Variants in ADAM23 observed in about 807,000 individuals in gnomAD.
The protein encoded by ADAM23 is ADAM metallopeptidase domain 23, also known as disintegrin and metalloproteinase domain-containing protein 23.
ADAM23 carries 33 observed loss-of-function variants against 120.1 expected under a neutral mutation model. The ratio of observed to expected loss-of-function variants is 0.27; its 90% confidence interval spans 0.21 to 0.37. The LOEUF (loss-of-function observed/expected upper bound fraction) is 0.37, where lower values mean the gene tolerates loss of function less well. ADAM23 is among the 10% of genes least tolerant of loss of function. The pLI is 1.00. For synonymous variants in ADAM23, 367 were observed against 375.2 expected, an observed-to-expected ratio of 0.98 and a Z score of 0.25; for missense variants, 862 against 1,058.2, an observed-to-expected ratio of 0.81 and a Z score of 2.57.
At position 206,445,446 on chromosome 2, in the gene ADAM23, A is replaced by G. The variant is rs146724325; in HGVS notation, c.354A>G (p.Ile118Met). 4,232 of 1,614,192 alleles carry G rather than the reference A, an allele frequency of 2.6e-3. 10 individuals are homozygous for G. Among genetic ancestry groups the G allele is most frequent in the Non-Finnish European group, 3.1e-3 (3,680 of 1,180,016 alleles). ...AAATCACACTGCCTTCAAGACTCAT[A>G]TATTACATCAACCAAGACTCGGAAA... The part of the protein sequence containing the change: ...QKEITLPSRL[I>M]YYINQDSESP... The change falls in exon 2 of 26, where the codon ATA becomes ATG. Residue 118 changes from isoleucine to methionine, a missense_variant. Physicochemically the swap from Ile to Met is conservative, Grantham distance 10 (BLOSUM62 1). Coordinates refer to ENST00000264377, the MANE Select transcript of ADAM23 (RefSeq NM_003812.4).
Position 206,516,324 on chromosome 2 carries a change from G to A in ADAM23, c.510-14561G>A, listed in dbSNP as rs572885686. On this transcript the variant is annotated intron_variant, in intron 3 of 25. Transcript: ENST00000264377. Reference sequence around the variant, plus strand: ...AAAAAAATAAAGATAATGTAAATGCGTTTTTTTTCTAACATTCCACAAAAG... The same window carrying A: ...AAAAAAATAAAGATAATGTAAATGCATTTTTTTTCTAACATTCCACAAAAG... 1.8e-3 allele frequency among the ~76,000 whole-genome samples: 272 copies of A among 151,614 alleles called. 1 individual carries two copies. Among genetic ancestry groups the A allele is most frequent in the African/African-American group, 6.2e-3 (255 of 41,374 alleles).
At chr2:206,540,784 A>G (rs893098952) in intron 4 of ADAM23, among the ~76,000 whole-genome samples, 3 of 152,018 alleles carry the variant, frequency 2.0e-5, no homozygotes, top group Non-Finnish European at 4.4e-5. Flanking sequence ...TAAGTCCCCA[A>G]TTCACTGCCT....
At chr2:206,480,946 G>A (rs75293874) in intron 2 of ADAM23, among the ~76,000 whole-genome samples, 1 of 152,204 alleles carries the variant, frequency 6.6e-6, no homozygotes, top group East Asian at 1.9e-4. Flanking sequence ...AATTCGTCAC[G>A]GTCACTTTGT....
At chr2:206,483,589 A>T (rs1574490952) in intron 3 of ADAM23, among the ~76,000 whole-genome samples, 1 of 152,120 alleles carries the variant, frequency 6.6e-6, no homozygotes, top group Non-Finnish European at 1.5e-5. Context: ...GAAATTGAGA[A>T]GGAGTGATTG....
chr2:206,571,839 C>A (rs778782739), intron 17 of ADAM23, 23 bp downstream of exon 17: 83 of 1,599,890 alleles, frequency 5.2e-5, no homozygotes, highest in Non-Finnish European at 6.9e-5. Flanking sequence ...ACAGTTTCAT[C>A]TTTCTTTTAA....
intron 2 of ADAM23, among the ~76,000 whole-genome samples, chr2:206,458,420 A>G (rs1483296791): frequency 2.0e-5 from 3 of 152,236 alleles, no homozygotes; most frequent in Non-Finnish European, 4.4e-5. Context: ...TTCTGGTTGT[A>G]TGGCTGCAGA....
At chr2:206,479,962 T>C (rs548287185) in intron 2 of ADAM23, among the ~76,000 whole-genome samples, 1 of 152,290 alleles carries the variant, frequency 6.6e-6, no homozygotes, top group Admixed American at 6.5e-5. Context: ...GGGTTTGGTA[T>C]GGCAAAAAGA....
At position 206,617,639 on chromosome 2, in the gene ADAM23, T is replaced by C. The variant is rs771840731; in HGVS notation, c.*12T>C. Reference sequence around the variant, plus strand: ...AAGGCCCCATCTGAATCAGCTGCGCTGGATGGACACCGCCTTGCACTGTTG... The same window carrying C: ...AAGGCCCCATCTGAATCAGCTGCGCCGGATGGACACCGCCTTGCACTGTTG... On this transcript the variant is annotated 3_prime_UTR_variant, in exon 26 of 26. Transcript: ENST00000264377. 1.9e-6 allele frequency: 3 copies of C among 1,613,612 alleles called. No homozygotes were observed. Among genetic ancestry groups the C allele is most frequent in the South Asian group, 2.2e-5 (2 of 90,894 alleles).
In ADAM23 at chr2:206,609,945, G is replaced by A. The variant is rs751280747; in HGVS notation, c.2395G>A (p.Ala799Thr). 7 of 1,599,796 alleles carry A rather than the reference G, an allele frequency of 4.4e-6. No homozygotes were observed. Among genetic ancestry groups the A allele is most frequent in the South Asian group, 2.3e-5 (2 of 88,528 alleles). Residue 799 changes from alanine to threonine, a missense_variant, in exon 25 of 26, where the codon GCT (alanine) becomes ACT (threonine). Transcript: ENST00000264377. ...CACCAATCTCATAATAGGCTCCATCGCTGGTGCCATCCTGGTAGCAGCTAT... is the reference window on the plus strand; with the variant it reads ...CACCAATCTCATAATAGGCTCCATCACTGGTGCCATCCTGGTAGCAGCTAT... ...SATNLIIGSI[A>T]GAILVAAIVL...
rs1695617155 is a variant in ADAM23 at position 206,469,802 on chromosome 2, G to A, written c.433-11430G>A. ...TTGCTATTCTTTGAATACACCAAGTGTGCCCCTGCCTCGGGGCTTCTACAA... is the reference window on the plus strand; with the variant it reads ...TTGCTATTCTTTGAATACACCAAGTATGCCCCTGCCTCGGGGCTTCTACAA... On this transcript the variant is annotated intron_variant, in intron 2 of 25. Coordinates refer to ENST00000264377, the MANE Select transcript of ADAM23 (RefSeq NM_003812.4). 1.3e-5 allele frequency among the ~76,000 whole-genome samples: 2 copies of A among 152,270 alleles called. 1 individual carries two copies. Among genetic ancestry groups the A allele is most frequent in the South Asian group, 4.1e-4 (2 of 4,830 alleles).
At chr2:206,564,224 C>A in intron 13 of ADAM23, among the ~76,000 whole-genome samples, 1 of 151,116 alleles carries the variant, frequency 6.6e-6, no homozygotes, top group Non-Finnish European at 1.5e-5. Context: ...ATCGATATAT[C>A]GATAGAGAGA....
chr2:206,599,813 C>T (rs950534241), intron 24 of ADAM23, among the ~76,000 whole-genome samples: 5 of 152,240 alleles, frequency 3.3e-5, no homozygotes, highest in African/African-American at 9.6e-5. Context: ...GCCTTGCCGA[C>T]GAGTAATAGG....
chr2:206,586,731 T>TA (rs1698329033), intron 18 of ADAM23, among the ~76,000 whole-genome samples: 2 of 152,220 alleles, frequency 1.3e-5, no homozygotes, highest in Admixed American at 1.3e-4. Flanking sequence ...AGTATTTCTT[T>TA]AAAAAATGAT....
At chr2:206,603,013 G>A (rs1343895183) in intron 24 of ADAM23, among the ~76,000 whole-genome samples, 1 of 152,166 alleles carries the variant, frequency 6.6e-6, no homozygotes, top group African/African-American at 2.4e-5. Flanking sequence ...TAAAAGGATT[G>A]TGTTGTCAGC....
At chr2:206,568,267 A>G (rs1205509911) in intron 15 of ADAM23, among the ~76,000 whole-genome samples, 4 of 152,196 alleles carry the variant, frequency 2.6e-5, no homozygotes, top group East Asian at 3.8e-4. Context: ...AGAGGGCCAC[A>G]TTGTCAATTG....
intron 2 of ADAM23, among the ~76,000 whole-genome samples, chr2:206,446,952 C>G (rs1695093740): frequency 6.6e-6 from 1 of 152,078 alleles, no homozygotes; most frequent in Non-Finnish European, 1.5e-5. Context: ...TGAATGAGAC[C>G]TTTTAGAGTT....
intron 10 of ADAM23, 135 bp from the exon 11 acceptor site, chr2:206,559,820 T>C: frequency 1.5e-6 from 1 of 676,584 alleles, no homozygotes; most frequent in Non-Finnish European, 2.3e-6. Flanking sequence ...AAAAGAAGAT[T>C]CTCTATAATG....
chr2:206,541,597 A>G (rs779059029), intron 4 of ADAM23, among the ~76,000 whole-genome samples: 1 of 152,224 alleles, frequency 6.6e-6, no homozygotes, highest in Non-Finnish European at 1.5e-5. Flanking sequence ...TTTGAAAACT[A>G]CATTCATATA....
At chr2:206,462,387 T>C (rs2105860628) in intron 2 of ADAM23, among the ~76,000 whole-genome samples, 1 of 152,312 alleles carries the variant, frequency 6.6e-6, no homozygotes, top group African/African-American at 2.4e-5. Context: ...ATAATTTATC[T>C]CTACCCTATT....
Sources: allele counts gnomAD v4.1 joint callset (sites outside exome capture counted in the v4.1 genomes callset), GRCh38; gene constraint gnomAD v4.1.1; transcripts MANE v1.5; gene names NCBI Gene and HGNC (gene_info 2026-07-23, HGNC 2026-07-21).